WDR35: variants seen among roughly 807,000 people sequenced by gnomAD.
WDR35 encodes WD repeat domain 35.
In WDR35, 118 loss-of-function variants were observed where a neutral mutation model predicts 158.3. The observed-to-expected ratio is 0.75, with a 90% CI of 0.64 to 0.87. The LOEUF is 0.87. Among genes scored for constraint, WDR35 ranks in the 40% least tolerant of loss-of-function variants. The pLI, the probability that WDR35 is intolerant of heterozygous loss-of-function variation, is 0.00. For missense variants in WDR35, 1,263 were observed against 1,405.8 expected (o/e 0.90, Z 1.62); for synonymous variants, 448 against 476.1 (o/e 0.94, Z 0.77).
At position 19,930,481 on chromosome 2, in the gene WDR35, T is replaced by A. The variant is rs770452781; in HGVS notation, c.3036A>T (p.Ala1012=). The A allele has an allele frequency of 1.2e-6, 2 of 1,614,160 alleles. No homozygotes were observed. Among genetic ancestry groups the A allele is most frequent in the South Asian group, 2.2e-5 (2 of 91,074 alleles). Residue 1012 remains alanine, a synonymous_variant, in exon 25 of 27, where the codon GCA becomes GCT. Coordinates refer to ENST00000281405, the MANE Select transcript of WDR35 (RefSeq NM_020779.4). ...LSTTDRFTDN[A]WRGAEAYHFF... ...AGTGGTAAGCCTCTGCCCCTCTCCA[T>A]GCATTATCTGTGAAACGATCTGTTG...
chr2:19,923,577 C>T (rs945163533), intron 25 of WDR35, among the ~76,000 whole-genome samples: 10 of 152,070 alleles, frequency 6.6e-5, no homozygotes, highest in Admixed American at 5.2e-4. Flanking sequence ...CCTTCTGCAC[C>T]CCCTCATTAT....
rs572831897 is a variant in WDR35, at chr2:19,931,795, A to T, written c.2824-386T>A. On this transcript the variant is annotated intron_variant, in intron 23 of 26. Transcript: ENST00000281405. Reference sequence around the variant, plus strand: ...GTGTTAACATGGTGCATCCTTCAGAAGCTGAAACTTATTTAAATGATTTTA... The same window carrying T: ...GTGTTAACATGGTGCATCCTTCAGATGCTGAAACTTATTTAAATGATTTTA... 5.1e-4 allele frequency among the ~76,000 whole-genome samples: 77 copies of T among 152,286 alleles called. 1 individual carries two copies. The highest frequency in any genetic ancestry group is 1.6e-3 in the African/African-American group (67 of 41,594).
chr2:19,946,449 T>C lies in WDR35; in HGVS notation c.1634+12A>G. 1.2e-6 allele frequency: 2 copies of C among 1,607,860 alleles called. No homozygotes were observed. The highest frequency in any genetic ancestry group is 1.7e-6 in the Non-Finnish European group (2 of 1,174,568). On this transcript the variant is annotated intron_variant, in intron 15 of 26. Coordinates refer to ENST00000281405, the MANE Select transcript of WDR35 (RefSeq NM_020779.4). ...AGTCTAACATCTACATGAGCAGAGT[T>C]TTCAGGCTTACCTAGAGTTGCAATT...
Position 19,978,928 on chromosome 2 carries a change from T to G in WDR35, c.308-49A>C, listed in dbSNP as rs764957585. 1.9e-6 allele frequency: 3 copies of G among 1,608,066 alleles called. No individual in the cohort carries two copies. The East Asian group carries it at 6.7e-5, about 36-fold the overall frequency. ...TACAAGTCAAAACTTTCACATCTAT[T>G]AAATAGTAGTTAAGAATTGAAAGCA... On this transcript the variant is annotated intron_variant, in intron 4 of 26. Coordinates refer to ENST00000281405, the MANE Select transcript of WDR35 (RefSeq NM_020779.4).
rs201320709 is a variant in WDR35 at position 19,942,117 on chromosome 2, C to T, written c.1846-278G>A. On this transcript the variant is annotated intron_variant, in intron 16 of 26. Coordinates refer to ENST00000281405, the MANE Select transcript of WDR35 (RefSeq NM_020779.4). ...CATATCTTTAAAACATAAGAATTTT[C>T]TCTTACATGGCCACATTACTATGAT... 7.2e-5 allele frequency among the ~76,000 whole-genome samples: 11 copies of T among 152,260 alleles called. No individual in the cohort carries two copies. The East Asian group carries it at 1.9e-3, about 27-fold the overall frequency.
intron 6 of WDR35, 60 bp from the exon 7 acceptor site, chr2:19,974,693 A>C: frequency 6.7e-7 from 1 of 1,487,282 alleles, no homozygotes; most frequent in Non-Finnish European, 9.2e-7. Flanking sequence ...TATAGAGACA[A>C]TACTCAATAG....
chr2:19,974,536 T>G lies in WDR35; in HGVS notation c.668A>C (p.Asp223Ala). 1 of 1,612,836 alleles carries G rather than the reference T, an allele frequency of 6.2e-7. No homozygotes were observed. Among genetic ancestry groups the G allele is most frequent in the East Asian group, 2.2e-5 (1 of 44,816 alleles). The change falls in exon 7 of 27, where the codon GAT becomes GCT. Residue 223 changes from aspartate (D) to alanine (A), a missense_variant. Asp to Ala is a moderately radical substitution (Grantham distance 126). Transcript: ENST00000281405. ...YHGTEGYVEP[D>A]CPCLAVCFDN... is the part of the protein sequence containing the mutation. ...AAAGCAAACAGCAAGGCAAGGGCAATCAGGCTCCACGTAGCCTTCTGTGCC... is the reference window on the plus strand; with the variant it reads ...AAAGCAAACAGCAAGGCAAGGGCAAGCAGGCTCCACGTAGCCTTCTGTGCC...
chr2:19,939,289 T>TA (rs1670797914), intron 17 of WDR35, among the ~76,000 whole-genome samples: 1 of 152,162 alleles, frequency 6.6e-6, no homozygotes. Flanking sequence ...TTAAATGTTC[T>TA]AAATCTTGAC....
chr2:19,945,534 A>C (rs1671017529), intron 16 of WDR35, among the ~76,000 whole-genome samples: 1 of 152,218 alleles, frequency 6.6e-6, no homozygotes, highest in Non-Finnish European at 1.5e-5. Context: ...CCTTTTAAAA[A>C]GAACAGATAA....
intron 24 of WDR35, among the ~76,000 whole-genome samples, chr2:19,930,828 T>C (rs1670503854): frequency 6.6e-6 from 1 of 152,180 alleles, no homozygotes; most frequent in Non-Finnish European, 1.5e-5. Flanking sequence ...GTGTGAGCAC[T>C]GCACCCAAAA....
At chr2:19,962,897 T>G (rs1442688142) in intron 10 of WDR35, among the ~76,000 whole-genome samples, 1 of 152,200 alleles carries the variant, frequency 6.6e-6, no homozygotes, top group Non-Finnish European at 1.5e-5. Context: ...TTTTATCAGT[T>G]ATACATGCTA....
At chr2:19,914,324 T>C (rs775332727) in intron 25 of WDR35, 47 bp from the exon 26 acceptor site, 9 of 1,608,904 alleles carry the variant, frequency 5.6e-6, no homozygotes, top group Non-Finnish European at 7.6e-6. Context: ...ATTATTATGA[T>C]ATCATGAACA....
intron 25 of WDR35, among the ~76,000 whole-genome samples, chr2:19,924,975 T>A (rs897674426): frequency 6.6e-6 from 1 of 152,210 alleles, no homozygotes; most frequent in Non-Finnish European, 1.5e-5. Context: ...GATGGGAACC[T>A]GATTTTGGGA....
chr2:19,945,580 A>T (rs1328912555), intron 16 of WDR35, among the ~76,000 whole-genome samples: 3 of 152,190 alleles, frequency 2.0e-5, no homozygotes, highest in African/African-American at 7.2e-5. Flanking sequence ...GAGAAAGTAG[A>T]GAATATTTAA....
intron 25 of WDR35, 125 bp downstream of exon 25, chr2:19,930,271 T>C (rs1265094400): frequency 6.3e-6 from 9 of 1,424,820 alleles, no homozygotes; most frequent in African/African-American, 4.2e-5. Context: ...GACTCAAACA[T>C]AGGAAAATAA....
intron 25 of WDR35, among the ~76,000 whole-genome samples, chr2:19,916,118 C>T (rs80012286): frequency 0.086 from 13,047 of 152,092 alleles, 656 homozygotes; most frequent in East Asian, 0.23. Context: ...CAGGGTGGGG[C>T]GTCACCTCAC....
chr2:19,986,102 A>G (rs923582725), intron 2 of WDR35, among the ~76,000 whole-genome samples: 3 of 152,196 alleles, frequency 2.0e-5, no homozygotes, highest in African/African-American at 7.2e-5. Context: ...CAAAAGCAAC[A>G]GGATTGCTGA....
intron 2 of WDR35, among the ~76,000 whole-genome samples, chr2:19,984,952 T>C (rs1018875074): frequency 2.6e-5 from 4 of 152,196 alleles, no homozygotes; most frequent in African/African-American, 9.7e-5. Context: ...GGCAGGATCA[T>C]CTGGTTGCCT....
In WDR35 at chr2:19,975,647, T is replaced by C; in HGVS notation, c.453A>G (p.Gly151=). The change falls in exon 6 of 27, where the codon GGA becomes GGG. Residue 151 remains glycine (G), a synonymous_variant. Coordinates refer to ENST00000281405, the MANE Select transcript of WDR35 (RefSeq NM_020779.4). Reference sequence around the variant, plus strand: ...ATAGCTGTATACCCTTCAGGTCTTTTCCCCAAATACGATTGCCTAAAACAA... The same window carrying C: ...ATAGCTGTATACCCTTCAGGTCTTTCCCCCAAATACGATTGCCTAAAACAA... ...VGSVDGNRIW[G]KDLKGIQLSH... is the part of the protein sequence containing the mutation. 1 of 1,614,050 alleles carries C rather than the reference T, an allele frequency of 6.2e-7. No homozygotes were observed.
Sources: allele counts gnomAD v4.1 joint callset (sites outside exome capture counted in the v4.1 genomes callset), GRCh38; gene constraint gnomAD v4.1.1; transcripts MANE v1.5; gene names NCBI Gene and HGNC (gene_info 2026-07-23, HGNC 2026-07-21).